The following PCDH9 variants were observed in gnomAD, a reference collection of about 807,000 sequenced individuals.
PCDH9 encodes the protein protocadherin-9.
Under a neutral mutation model 70.6 loss-of-function variants are expected in PCDH9, and 24 were observed. That is an observed-to-expected ratio of 0.34 (90% CI 0.25 to 0.48). The LOEUF (loss-of-function observed/expected upper bound fraction) is 0.48. PCDH9 is among the 20% of genes least tolerant of loss of function. The pLI is 0.99. For synonymous variants in PCDH9, 562 were observed against 558.5 expected, an observed-to-expected ratio of 1.01 and a Z score of -0.09; for missense variants, 1,281 against 1,503.6, an observed-to-expected ratio of 0.85 and a Z score of 2.45.
intron 3 of PCDH9, among the ~76,000 whole-genome samples, chr13:66,703,399 C>A (rs1174176085): frequency 6.6e-6 from 1 of 152,058 alleles, no homozygotes; most frequent in Non-Finnish European, 1.5e-5. Flanking sequence ...GTGCAGAGTG[C>A]CAGAATTTTA....
At chr13:67,097,979 G>A (rs1010201840) in intron 2 of PCDH9, among the ~76,000 whole-genome samples, 1 of 152,144 alleles carries the variant, frequency 6.6e-6, no homozygotes, top group African/African-American at 2.4e-5. Context: ...AACTAAAGCA[G>A]TTCTTCAAAG....
At chr13:66,842,006 ATCTAGCATAAC>A (rs2081124098) in intron 3 of PCDH9, among the ~76,000 whole-genome samples, 1 of 152,192 alleles carries the variant, frequency 6.6e-6, no homozygotes, top group Non-Finnish European at 1.5e-5. Flanking sequence ...GGGAGGGAGA[ATCTAGCATAAC>A]TCCAGGATTC....
intron 2 of PCDH9, among the ~76,000 whole-genome samples, chr13:67,075,316 GTTA>G (rs1262549396): frequency 3.3e-5 from 5 of 151,990 alleles, no homozygotes; most frequent in Non-Finnish European, 7.4e-5. Flanking sequence ...ATATTGGTCA[GTTA>G]TAAAAGGAAA....
At chr13:66,632,979 G>A (rs1266860115) in intron 3 of PCDH9, among the ~76,000 whole-genome samples, 2 of 152,098 alleles carry the variant, frequency 1.3e-5, no homozygotes, top group East Asian at 3.9e-4. Context: ...AAAAAGGATT[G>A]CGGTTAGAAA....
chr13:66,739,753 C>T (rs886473368), intron 3 of PCDH9, among the ~76,000 whole-genome samples: 1 of 149,158 alleles, frequency 6.7e-6, no homozygotes, highest in Admixed American at 6.7e-5. Context: ...AAGGCCATTA[C>T]ATAATGGTAA....
At chr13:67,101,177 T>G (rs1013471177) in intron 2 of PCDH9, among the ~76,000 whole-genome samples, 3 of 152,178 alleles carry the variant, frequency 2.0e-5, no homozygotes, top group Admixed American at 6.5e-5. Flanking sequence ...AAACATTGAT[T>G]CTCCTATAGC....
intron 2 of PCDH9, among the ~76,000 whole-genome samples, chr13:67,142,528 T>C (rs1243538603): frequency 6.6e-6 from 1 of 152,192 alleles, no homozygotes; most frequent in Non-Finnish European, 1.5e-5. Flanking sequence ...CTCCTGGTAA[T>C]TAAAAGTGTT....
intron 3 of PCDH9, among the ~76,000 whole-genome samples, chr13:66,636,482 A>G (rs1593816401): frequency 6.6e-6 from 1 of 152,122 alleles, no homozygotes; most frequent in East Asian, 1.9e-4. Flanking sequence ...GCACTAAGCC[A>G]ATTATTACCA....
intron 2 of PCDH9, among the ~76,000 whole-genome samples, chr13:67,029,059 AT>A (rs2084851840): frequency 6.6e-6 from 1 of 152,200 alleles, no homozygotes; most frequent in African/African-American, 2.4e-5. Flanking sequence ...AACACTGGTT[AT>A]GCAAAAAAAT....
intron 2 of PCDH9, among the ~76,000 whole-genome samples, chr13:67,075,110 A>G (rs1041618485): frequency 8.5e-5 from 13 of 152,082 alleles, no homozygotes; most frequent in Non-Finnish European, 1.8e-4. Context: ...CTTTAAAATA[A>G]AATGCTTAGA....
At chr13:66,891,207 C>A (rs1267755409) in intron 3 of PCDH9, among the ~76,000 whole-genome samples, 5 of 152,030 alleles carry the variant, frequency 3.3e-5, no homozygotes, top group African/African-American at 1.2e-4. Flanking sequence ...TTTTTCCAAT[C>A]CATATCTTGA....
At chr13:66,730,285 T>C (rs536573625) in intron 3 of PCDH9, among the ~76,000 whole-genome samples, 3 of 152,336 alleles carry the variant, frequency 2.0e-5, no homozygotes, top group Non-Finnish European at 4.4e-5. Context: ...TTGATAGCTA[T>C]ACTTTTTCAT....
intron 2 of PCDH9, among the ~76,000 whole-genome samples, chr13:67,041,624 G>A (rs1018684787): frequency 1.3e-5 from 2 of 152,068 alleles, no homozygotes; most frequent in African/African-American, 2.4e-5. Context: ...GAGGTCAGGA[G>A]ATTGAGACCA....
chr13:66,850,412 A>C (rs1331471489), intron 3 of PCDH9, among the ~76,000 whole-genome samples: 1 of 152,068 alleles, frequency 6.6e-6, no homozygotes, highest in Non-Finnish European at 1.5e-5. Flanking sequence ...CCATCTACTC[A>C]GGAGGCTGAG....
chr13:67,121,034 T>A (rs1468158729), intron 2 of PCDH9, among the ~76,000 whole-genome samples: 1 of 152,138 alleles, frequency 6.6e-6, no homozygotes, highest in African/African-American at 2.4e-5. Flanking sequence ...CGTCCTACTG[T>A]ATGCTAGGTA....
chr13:66,799,290 A>G (rs1369922937), intron 3 of PCDH9, among the ~76,000 whole-genome samples: 2 of 152,186 alleles, frequency 1.3e-5, no homozygotes, highest in East Asian at 1.9e-4. Flanking sequence ...AGGTAAGCAT[A>G]CTGACGGAAC....
intron 2 of PCDH9, among the ~76,000 whole-genome samples, chr13:67,088,249 A>G (rs1489704212): frequency 2.6e-5 from 4 of 151,982 alleles, no homozygotes; most frequent in Admixed American, 2.0e-4. Flanking sequence ...TTGGATCTCA[A>G]ATCATTTTAG....
chr13:66,396,517 G>A (rs1332251501), intron 4 of PCDH9, among the ~76,000 whole-genome samples: 1 of 152,122 alleles, frequency 6.6e-6, no homozygotes, highest in Non-Finnish European at 1.5e-5. Context: ...ATCAGCACAA[G>A]TCATTACATC....
intron 4 of PCDH9, among the ~76,000 whole-genome samples, chr13:66,567,875 C>CCACAGT (rs2076675592): frequency 1.3e-5 from 2 of 152,022 alleles, no homozygotes; most frequent in African/African-American, 4.8e-5. Context: ...CTTATATAAA[C>CCACAGT]CACAGTCACC....
Sources: gnomAD v4.1 joint callset for allele counts (sites outside exome capture counted in the v4.1 genomes callset) on GRCh38, gnomAD v4.1.1 for gene constraint, MANE v1.5 for transcripts, NCBI Gene and HGNC (gene_info 2026-07-23, HGNC 2026-07-21) for gene names.